REPS2: variants seen among roughly 807,000 people sequenced by gnomAD.
REPS2 encodes the protein ralBP1-associated Eps domain-containing protein 2.
A neutral mutation model predicts 53.6 loss-of-function variants in REPS2; 23 were observed. That is an observed-to-expected ratio of 0.43 (90% CI 0.31 to 0.61). The LOEUF is 0.61. REPS2 is among the 20% of genes least tolerant of loss of function. REPS2 has a pLI of 0.11. For synonymous variants in REPS2, 238 were observed against 218.6 expected, an observed-to-expected ratio of 1.09 and a Z score of -0.78; for missense variants, 446 against 534.9, an observed-to-expected ratio of 0.83 and a Z score of 1.64.
intron 13 of REPS2, among the ~76,000 whole-genome samples, chrX:17,102,480 A>G (rs1379907821): frequency 8.9e-6 from 1 of 112,376 alleles, no homozygotes; most frequent in Non-Finnish European, 1.9e-5. Flanking sequence ...GAAGGCTTTC[A>G]GCATTCTCTC....
chrX:17,102,012 A>ATTTAT (rs201990722), intron 13 of REPS2, among the ~76,000 whole-genome samples: 6 of 99,316 alleles, frequency 6.0e-5, no homozygotes, highest in African/African-American at 1.9e-4. Context: ...GTTTGCGTAG[A>ATTTAT]TTTATTTTAT....
intron 5 of REPS2, among the ~76,000 whole-genome samples, chrX:17,035,928 C>T (rs1391698305): frequency 8.9e-6 from 1 of 112,014 alleles, no homozygotes; most frequent in Non-Finnish European, 1.9e-5. Context: ...TTAGCACTAA[C>T]AATAAGCTTT....
At chrX:16,955,508 T>C (rs1048823378) in intron 1 of REPS2, among the ~76,000 whole-genome samples, 1 of 111,609 alleles carries the variant, frequency 9.0e-6, no homozygotes, top group Non-Finnish European at 1.9e-5. Context: ...ACAATCAAGG[T>C]GTCTGGAGCT....
chrX:17,049,771 T>C (rs992904911), intron 6 of REPS2, among the ~76,000 whole-genome samples: 5 of 111,591 alleles, frequency 4.5e-5, no homozygotes, highest in Non-Finnish European at 7.5e-5. Flanking sequence ...TATTTTAAAA[T>C]TGTACAGTGT....
the REPS2 span, among the ~76,000 whole-genome samples, chrX:17,177,803 C>T: frequency 8.9e-6 from 1 of 111,749 alleles, no homozygotes; most frequent in African/African-American, 3.3e-5. Context: ...AACCTAAAGT[C>T]AAGGGGTGTC....
chrX:17,044,710 T>C (rs959539255), intron 5 of REPS2, among the ~76,000 whole-genome samples: 1 of 111,807 alleles, frequency 8.9e-6, no homozygotes, highest in African/African-American at 3.3e-5. Context: ...TGGAGGGCAG[T>C]GCTCCTGTGA....
chrX:17,036,924 A>G (rs746174641), intron 5 of REPS2, among the ~76,000 whole-genome samples: 1 of 109,764 alleles, frequency 9.1e-6, no homozygotes, highest in African/African-American at 3.3e-5. Flanking sequence ...TATTCTTGAG[A>G]TCTTCTTTCA....
chrX:16,991,560 AC>A (rs1391384449), intron 1 of REPS2, among the ~76,000 whole-genome samples: 8 of 111,045 alleles, frequency 7.2e-5, no homozygotes, highest in Non-Finnish European at 1.9e-5. Context: ...TAAAGTCGTA[AC>A]CCTTAGTACC....
intron 13 of REPS2, among the ~76,000 whole-genome samples, chrX:17,087,260 A>T (rs780713809): frequency 8.1e-5 from 9 of 111,477 alleles, no homozygotes; most frequent in Admixed American, 1.9e-4. Flanking sequence ...CCTACTCAAA[A>T]CTCTTCAGGA....
chrX:17,123,367 C>T (rs2063166524), intron 14 of REPS2, among the ~76,000 whole-genome samples: 1 of 112,465 alleles, frequency 8.9e-6, no homozygotes, highest in Non-Finnish European at 1.9e-5. Context: ...AAGAACAAAA[C>T]CCAGGTCATG....
intron 14 of REPS2, among the ~76,000 whole-genome samples, chrX:17,117,948 CTTTTTTTTTTT>C (rs145872769): frequency 3.2e-5 from 1 of 31,005 alleles, no homozygotes; most frequent in Non-Finnish European, 5.2e-5. Context: ...TGTTTCCTGA[CTTTTTTTTTTT>C]TTTTTTTTTT....
At chrX:16,950,657 A>G (rs960706116) in intron 1 of REPS2, among the ~76,000 whole-genome samples, 1 of 112,942 alleles carries the variant, frequency 8.9e-6, no homozygotes, top group Non-Finnish European at 1.9e-5. Context: ...TGAATCCAAC[A>G]CAATCTCTGT....
Position 17,149,194 on chromosome X carries a change from G to A in REPS2, c.*1713G>A, listed in dbSNP as rs2063545310. ...CCTTTTTTGTTTTTGTGGGGGAAGGGTTGGGAGTAAGTTTAAACTCTTCCG... is the reference window on the plus strand; with the variant it reads ...CCTTTTTTGTTTTTGTGGGGGAAGGATTGGGAGTAAGTTTAAACTCTTCCG... On this transcript the variant is annotated 3_prime_UTR_variant, in exon 18 of 18. Transcript: ENST00000357277. 1.7e-5 allele frequency: 4 copies of A among 241,167 alleles called. No individual in the cohort carries two copies. The Admixed American group carries it at 1.7e-4, about 10-fold the overall frequency. 19.9% of individuals were successfully genotyped at this position (241,167 alleles called of 1,213,427 possible).
the REPS2 span, among the ~76,000 whole-genome samples, chrX:17,187,624 A>T: frequency 8.9e-6 from 1 of 112,126 alleles, no homozygotes; most frequent in Non-Finnish European, 1.9e-5. Context: ...TCTACATAGG[A>T]TACGACAGAA....
intron 14 of REPS2, among the ~76,000 whole-genome samples, chrX:17,132,020 G>A (rs1266946796): frequency 1.8e-5 from 2 of 109,089 alleles, no homozygotes; most frequent in African/African-American, 6.7e-5. Flanking sequence ...ACAACTTTCA[G>A]ACTCCCTCCT....
At chrX:17,049,189 G>A (rs2061946986) in intron 6 of REPS2, among the ~76,000 whole-genome samples, 1 of 112,012 alleles carries the variant, frequency 8.9e-6, no homozygotes, top group Non-Finnish European at 1.9e-5. Flanking sequence ...CACCGCACCT[G>A]GCCTTTTATT....
At chrX:17,078,277 G>C (rs1310234771) in intron 13 of REPS2, among the ~76,000 whole-genome samples, 1 of 112,175 alleles carries the variant, frequency 8.9e-6, no homozygotes, top group Non-Finnish European at 1.9e-5. Context: ...AGATGCTAGT[G>C]ATTTGCAGAT....
the REPS2 span, among the ~76,000 whole-genome samples, chrX:17,189,098 A>G: frequency 1.8e-5 from 2 of 111,303 alleles, no homozygotes; most frequent in South Asian, 7.6e-4. Context: ...TATGAAATAT[A>G]AACATACTGA....
At chrX:17,095,458 T>G (rs1345595768) in intron 13 of REPS2, among the ~76,000 whole-genome samples, 1 of 109,989 alleles carries the variant, frequency 9.1e-6, no homozygotes, top group Non-Finnish European at 1.9e-5. Context: ...TTTGCTGGAG[T>G]GAGAAACATG....
Sources: gnomAD v4.1 joint callset for allele counts (sites outside exome capture counted in the v4.1 genomes callset) on GRCh38, gnomAD v4.1.1 for gene constraint, MANE v1.5 for transcripts, NCBI Gene and HGNC (gene_info 2026-07-23, HGNC 2026-07-21) for gene names.